Variants in NALF1 observed in about 807,000 individuals in gnomAD.
NALF1 encodes NALCN channel auxiliary factor 1.
In NALF1, 3 loss-of-function variants were observed where a neutral mutation model predicts 48.4. The ratio of observed to expected loss-of-function variants is 0.06; its 90% CI spans 0.03 to 0.16. The LOEUF is 0.16. Among genes scored for constraint, NALF1 ranks in the 10% least tolerant of loss-of-function variants. The pLI, the probability that NALF1 is intolerant of heterozygous loss-of-function variation, is 1.00. For missense variants in NALF1, 526 were observed against 571.5 expected (o/e 0.92, Z 0.81); for synonymous variants, 262 against 245.7 (o/e 1.07, Z -0.62).
In NALF1 at chr13:107,522,316, C is replaced by T. The variant is rs115293377; in HGVS notation, c.916-311561G>A. Among the ~76,000 whole-genome samples the T allele has an allele frequency of 6.7e-3, 1,024 of 152,214 alleles. 11 individuals carry two copies. Among genetic ancestry groups the T allele is most frequent in the African/African-American group, 0.023 (972 of 41,532 alleles). On this transcript the variant is annotated intron_variant, in intron 1 of 2. Coordinates refer to ENST00000375915, the MANE Select transcript of NALF1 (RefSeq NM_001080396.3). ...TCCTTTAATTTCTTGGACCCTTTCT[C>T]AATCTCTCCATATAGACGGCTCATC...
chr13:107,844,227 C>A (rs183901794), intron 1 of NALF1, among the ~76,000 whole-genome samples: 1 of 134,932 alleles, frequency 7.4e-6, no homozygotes, highest in African/African-American at 2.7e-5. Context: ...TTTGTAGCCA[C>A]AAATAAAATA....
At chr13:107,728,785 C>T (rs909048732) in intron 1 of NALF1, among the ~76,000 whole-genome samples, 3 of 152,022 alleles carry the variant, frequency 2.0e-5, no homozygotes, top group African/African-American at 7.2e-5. Context: ...AACTGTACAA[C>T]CTGGTTTGAA....
At chr13:107,393,696 A>G (rs1883664485) in intron 1 of NALF1, among the ~76,000 whole-genome samples, 1 of 152,208 alleles carries the variant, frequency 6.6e-6, no homozygotes, top group African/African-American at 2.4e-5. Context: ...TCCGCCAGCC[A>G]TCATTATTGA....
chr13:107,268,144 C>T (rs918969375), intron 1 of NALF1, among the ~76,000 whole-genome samples: 4 of 151,914 alleles, frequency 2.6e-5, no homozygotes, highest in Admixed American at 2.6e-4. Context: ...GCACCACCAC[C>T]ACACCCAGCT....
At chr13:107,253,035 T>C (rs1373321251) in intron 1 of NALF1, among the ~76,000 whole-genome samples, 1 of 152,200 alleles carries the variant, frequency 6.6e-6, no homozygotes, top group Admixed American at 6.5e-5. Flanking sequence ...TTTAATGACA[T>C]AGTTATGAAA....
At chr13:107,399,997 T>C (rs1883777426) in intron 1 of NALF1, among the ~76,000 whole-genome samples, 1 of 152,138 alleles carries the variant, frequency 6.6e-6, no homozygotes, top group African/African-American at 2.4e-5. Context: ...GACAAGACTA[T>C]GGTGTATAAT....
At chr13:107,186,408 G>A (rs775501122) in intron 2 of NALF1, among the ~76,000 whole-genome samples, 34 of 151,782 alleles carry the variant, frequency 2.2e-4, no homozygotes, top group Non-Finnish European at 3.8e-4. Flanking sequence ...TCGCTCTGTC[G>A]CCAGGCTGGA....
In NALF1 at chr13:107,240,809, C is replaced by CT. The variant is rs1012908242; in HGVS notation, c.916-30055dup. ...AACTGTCAAACTAAAGATATTTCAC[C>CT]TTTTTTTTTTAAGACTGAATTCAAG... On this transcript the variant is annotated intron_variant, in intron 1 of 2. Coordinates refer to ENST00000375915, the MANE Select transcript of NALF1 (RefSeq NM_001080396.3). 7.5e-4 allele frequency among the ~76,000 whole-genome samples: 110 copies of CT among 146,998 alleles called. 1 individual carries two copies. The highest frequency in any genetic ancestry group is 2.2e-3 in the African/African-American group (88 of 40,070).
intron 1 of NALF1, among the ~76,000 whole-genome samples, chr13:107,853,614 T>G (rs374542611): frequency 6.6e-6 from 1 of 152,192 alleles, no homozygotes; most frequent in Non-Finnish European, 1.5e-5. Flanking sequence ...GTTCTTAGTA[T>G]CACAATACTG....
chr13:107,445,947 A>G (rs1386243044), intron 1 of NALF1, among the ~76,000 whole-genome samples: 1 of 147,800 alleles, frequency 6.8e-6, no homozygotes, highest in African/African-American at 2.5e-5. Flanking sequence ...TTTGGGACAG[A>G]TTTTTTTTTT....
At chr13:107,256,872 A>G (rs959898820) in intron 1 of NALF1, among the ~76,000 whole-genome samples, 33 of 152,214 alleles carry the variant, frequency 2.2e-4, no homozygotes, top group African/African-American at 7.5e-4. Context: ...CATCCTTCAT[A>G]TCAGTAAAAT....
At chr13:107,194,008 T>C (rs994831126) in intron 2 of NALF1, among the ~76,000 whole-genome samples, 2 of 138,896 alleles carry the variant, frequency 1.4e-5, no homozygotes, top group East Asian at 4.7e-4. Flanking sequence ...CCTATCTATC[T>C]TATCTATCTA....
intron 1 of NALF1, among the ~76,000 whole-genome samples, chr13:107,510,806 A>G (rs1594102294): frequency 1.3e-5 from 2 of 152,170 alleles, no homozygotes; most frequent in Admixed American, 1.3e-4. Flanking sequence ...CTTTGTTCAT[A>G]CCACAGAAAT....
intron 1 of NALF1, among the ~76,000 whole-genome samples, chr13:107,574,815 C>T (rs1429761142): frequency 6.6e-6 from 1 of 152,100 alleles, no homozygotes; most frequent in Admixed American, 6.5e-5. Context: ...AAGATGTTAT[C>T]TTTAAATTAC....
intron 1 of NALF1, among the ~76,000 whole-genome samples, chr13:107,510,240 C>T (rs902674995): frequency 2.6e-5 from 4 of 152,162 alleles, no homozygotes; most frequent in Non-Finnish European, 5.9e-5. Flanking sequence ...TGTTTTCACA[C>T]CCAATTCCTC....
intron 1 of NALF1, among the ~76,000 whole-genome samples, chr13:107,721,617 G>C (rs1875989009): frequency 6.6e-6 from 1 of 152,140 alleles, no homozygotes; most frequent in Admixed American, 6.5e-5. Context: ...CCTTTGACGG[G>C]ATTTCCCTCT....
At chr13:107,625,178 A>G (rs1879634198) in intron 1 of NALF1, among the ~76,000 whole-genome samples, 1 of 152,122 alleles carries the variant, frequency 6.6e-6, no homozygotes, top group African/African-American at 2.4e-5. Flanking sequence ...ATTTGATCTT[A>G]GCCTATCTCT....
intron 1 of NALF1, among the ~76,000 whole-genome samples, chr13:107,645,420 G>T (rs1880289103): frequency 6.6e-6 from 1 of 151,880 alleles, no homozygotes; most frequent in African/African-American, 2.4e-5. Flanking sequence ...TATCCAATTT[G>T]GTACTAATTG....
Position 107,329,713 on chromosome 13 carries a change from T to G in NALF1, c.916-118958A>C, listed in dbSNP as rs533165548. On this transcript the variant is annotated intron_variant, in intron 1 of 2. Coordinates refer to ENST00000375915, the MANE Select transcript of NALF1 (RefSeq NM_001080396.3). ...ATGTTCCCCTTCCTGTGTCCAAGTG[T>G]TCTCACTGTTCAATTCCCACCTATG... is the stretch of plus-strand genomic sequence containing the variant. Among the ~76,000 whole-genome samples the G allele has an allele frequency of 1.6e-4, 23 of 146,966 alleles. No homozygotes were observed. The South Asian group carries it at 5.2e-3, about 33-fold the overall frequency.
Sources: gnomAD v4.1 joint callset for allele counts (sites outside exome capture counted in the v4.1 genomes callset) on GRCh38, gnomAD v4.1.1 for gene constraint, MANE v1.5 for transcripts, NCBI Gene and HGNC (gene_info 2026-07-23, HGNC 2026-07-21) for gene names.